The following SPAM1 variants were observed in gnomAD, a reference collection of about 807,000 sequenced individuals.
SPAM1 encodes hyaluronidase PH-20.
Under a neutral mutation model 29.6 loss-of-function variants are expected in SPAM1, and 22 were observed. The ratio of observed to expected loss-of-function variants is 0.74; its 90% CI spans 0.53 to 1.06. The LOEUF (loss-of-function observed/expected upper bound fraction) is 1.06, where lower values mean the gene tolerates loss of function less well. Among genes scored for constraint, SPAM1 ranks in the 50% least tolerant of loss-of-function variants. The probability of loss-of-function intolerance (pLI) is 0.00; values close to 1 mark genes in which losing one functional copy is unlikely to be tolerated. For missense variants in SPAM1, 534 were observed against 604.0 expected (o/e 0.88, Z 1.21); for synonymous variants, 194 against 204.6 (o/e 0.95, Z 0.44).
chr7:123,962,387 T>C (rs1792370781), downstream of SPAM1, among the ~76,000 whole-genome samples: 1 of 151,944 alleles, frequency 6.6e-6, no homozygotes, highest in Non-Finnish European at 1.5e-5. Flanking sequence ...ATTGTTTGAG[T>C]TCCTTGTATA....
chr7:123,951,621 T>C (rs777866022), intron 2 of SPAM1, among the ~76,000 whole-genome samples: 14 of 152,260 alleles, frequency 9.2e-5, no homozygotes, highest in Non-Finnish European at 1.5e-4. Flanking sequence ...TTTTTCTTTT[T>C]CTTTTTCCTT....
chr7:123,953,169 T>C (rs1792153346), intron 2 of SPAM1, among the ~76,000 whole-genome samples, 196 bp from the exon 3 acceptor site: 1 of 151,996 alleles, frequency 6.6e-6, no homozygotes, highest in African/African-American at 2.4e-5. Context: ...TTTGGGAAGA[T>C]GAGAAAAATG....
At position 123,953,280 on chromosome 7, in the gene SPAM1, T is replaced by TTAAAGTTTA. The variant is rs1792158500; in HGVS notation, c.-206-85_-206-84insTAAAGTTTA. 8 of 291,714 alleles carry TTAAAGTTTA rather than the reference T, an allele frequency of 2.7e-5. No individual in the cohort carries two copies. The Admixed American group carries it at 3.5e-4, about 13-fold the overall frequency. The allele number at this position is 291,714 out of a possible 1,614,324, so 18.1% of individuals were successfully genotyped here. A position where few individuals can be genotyped will look rare whatever the true frequency, so the allele number is the denominator to read the frequency against. ...TCTTCTAAAATGAAATTAAACCCCC[T>TTAAAGTTTA]GCACTTAAAGTTGAGAACTTGGTGA... On this transcript the variant is annotated intron_variant, in intron 2 of 4. Coordinates refer to ENST00000682466, the MANE Select transcript of SPAM1 (RefSeq NM_153189.3).
chr7:123,950,646 C>A (rs758885816), intron 2 of SPAM1, among the ~76,000 whole-genome samples: 1 of 152,000 alleles, frequency 6.6e-6, no homozygotes, highest in Non-Finnish European at 1.5e-5. Flanking sequence ...ACCAAATTTT[C>A]TTTTTCCAAT....
intron 1 of SPAM1, among the ~76,000 whole-genome samples, chr7:123,927,954 C>T (rs1292217382): frequency 6.6e-6 from 1 of 152,050 alleles, no homozygotes; most frequent in African/African-American, 2.4e-5. Context: ...ACTGCATCAG[C>T]AGGAATTGAG....
At chr7:123,958,750 T>G (rs867011968) in intron 4 of SPAM1, among the ~76,000 whole-genome samples, 3 of 151,630 alleles carry the variant, frequency 2.0e-5, no homozygotes, top group African/African-American at 7.3e-5. Flanking sequence ...GAGGATTGCT[T>G]GAACCCAGGA....
At chr7:123,970,026 C>A (rs1355019241) in intron 5 of SPAM1, among the ~76,000 whole-genome samples, 1 of 151,950 alleles carries the variant, frequency 6.6e-6, no homozygotes, top group Non-Finnish European at 1.5e-5. Context: ...TTCTTCTATG[C>A]CCCAGCTTAG....
intron 1 of SPAM1, among the ~76,000 whole-genome samples, chr7:123,937,284 C>T (rs1212502987): frequency 6.6e-6 from 1 of 152,126 alleles, no homozygotes; most frequent in Non-Finnish European, 1.5e-5. Flanking sequence ...TAACTCTACA[C>T]TTTAGAGTCA....
intron 1 of SPAM1, among the ~76,000 whole-genome samples, chr7:123,931,937 A>T (rs1808094786): frequency 6.6e-6 from 1 of 152,194 alleles, no homozygotes; most frequent in Non-Finnish European, 1.5e-5. Context: ...AGGACAGTAA[A>T]CCCATCAGTC....
chr7:123,937,326 G>C (rs1355908277), intron 1 of SPAM1, among the ~76,000 whole-genome samples: 1 of 152,072 alleles, frequency 6.6e-6, no homozygotes, highest in Admixed American at 6.6e-5. Flanking sequence ...TTCAGGCCGG[G>C]CGCGGTGGCT....
chr7:123,951,922 C>A (rs1323701217), intron 2 of SPAM1, among the ~76,000 whole-genome samples: 10 of 152,008 alleles, frequency 6.6e-5, no homozygotes, highest in African/African-American at 2.4e-4. Flanking sequence ...ATGCCCAGCT[C>A]CCCATCTTTT....
chr7:123,926,423 C>T (rs142899046), intron 1 of SPAM1, among the ~76,000 whole-genome samples: 61 of 152,254 alleles, frequency 4.0e-4, no homozygotes, highest in African/African-American at 1.3e-3. Flanking sequence ...TTGATTGAGA[C>T]CTGTCTCTGA....
intron 1 of SPAM1, among the ~76,000 whole-genome samples, chr7:123,937,375 G>A (rs1016957098): frequency 2.0e-5 from 3 of 152,098 alleles, no homozygotes; most frequent in African/African-American, 7.2e-5. Context: ...GCCAAGGCGG[G>A]CGGATCACAA....
chr7:123,935,383 A>T (rs995551159), intron 1 of SPAM1, among the ~76,000 whole-genome samples: 1 of 152,186 alleles, frequency 6.6e-6, no homozygotes, highest in Non-Finnish European at 1.5e-5. Flanking sequence ...GACCTATGAG[A>T]TAGTTGCTTT....
intron 4 of SPAM1, among the ~76,000 whole-genome samples, chr7:123,959,003 T>C (rs1792305167): frequency 6.6e-6 from 1 of 152,024 alleles, no homozygotes; most frequent in Admixed American, 6.6e-5. Context: ...TAATTATCCT[T>C]ATTTTCCAGA....
chr7:123,970,617 T>A (rs1292995106), intron 6 of SPAM1, among the ~76,000 whole-genome samples: 2 of 111,420 alleles, frequency 1.8e-5, no homozygotes, highest in Admixed American at 7.8e-5. Flanking sequence ...TAATTATTAT[T>A]ATTATTATAG....
intron 1 of SPAM1, among the ~76,000 whole-genome samples, chr7:123,933,291 A>G (rs983891579): frequency 6.6e-6 from 1 of 151,248 alleles, no homozygotes; most frequent in Non-Finnish European, 1.5e-5. Flanking sequence ...TCATTGTTCA[A>G]CTCCCACTTA....
rs1356894688 is a variant in SPAM1 at position 123,954,486 on chromosome 7, A to G, written c.916A>G (p.Ile306Val). 4.3e-6 allele frequency: 7 copies of G among 1,610,832 alleles called. No individual in the cohort carries two copies. The highest frequency in any genetic ancestry group is 5.9e-6 in the Non-Finnish European group (7 of 1,177,780). Reference protein sequence around the residue: ...SPLPVFAYTRIVFTDQVLKFL... With the variant: ...SPLPVFAYTRVVFTDQVLKFL... Reference sequence around the variant, plus strand: ...ACTTCCGGTTTTTGCATATACCCGCATAGTTTTTACTGATCAAGTTTTGAA... The same window carrying G: ...ACTTCCGGTTTTTGCATATACCCGCGTAGTTTTTACTGATCAAGTTTTGAA... Residue 306 changes from isoleucine (I) to valine (V), a missense_variant, in exon 3 of 5, where the codon ATA (isoleucine) becomes GTA (valine). Physicochemically the swap from Ile to Val is conservative, Grantham distance 29. Coordinates refer to ENST00000682466, the MANE Select transcript of SPAM1 (RefSeq NM_153189.3).
intron 1 of SPAM1, among the ~76,000 whole-genome samples, chr7:123,937,531 G>A (rs560432794): frequency 1.3e-5 from 2 of 150,766 alleles, no homozygotes; most frequent in African/African-American, 2.4e-5. Flanking sequence ...AACCCGGGAG[G>A]CGGAGCTTGC....
Sources: allele counts gnomAD v4.1 joint callset (sites outside exome capture counted in the v4.1 genomes callset), GRCh38; gene constraint gnomAD v4.1.1; transcripts MANE v1.5; gene names NCBI Gene and HGNC (gene_info 2026-07-23, HGNC 2026-07-21).